Variants in ZNF572 observed in about 807,000 individuals in gnomAD.
ZNF572 encodes zinc finger protein 572.
A neutral mutation model predicts 3.8 loss-of-function variants in ZNF572; 2 were observed. The observed-to-expected ratio is 0.52, with a 90% CI of 0.21 to 1.65. ZNF572 has a LOEUF of 1.65. Ranked by LOEUF, ZNF572 falls within the 40% of genes most tolerant of loss-of-function variation. The probability of loss-of-function intolerance (pLI) is 0.20; values close to 1 mark genes in which losing one functional copy is unlikely to be tolerated. For missense variants in ZNF572, 581 were observed against 633.4 expected (o/e 0.92, Z 0.89); for synonymous variants, 187 against 204.5 (o/e 0.91, Z 0.73).
At position 124,976,952 on chromosome 8, in the gene ZNF572, C is replaced by T; in HGVS notation, c.684C>T (p.Ser228=). Reference sequence around the variant, plus strand: ...AGTGTGGGAAGAGATTCAGCAGCAGCTCTCACCTTATTCAGCATCACAGAT... The same window carrying T: ...AGTGTGGGAAGAGATTCAGCAGCAGTTCTCACCTTATTCAGCATCACAGAT... ...CPECGKRFSS[S]SHLIQHHRSH... The change falls in exon 3 of 3, where the codon AGC becomes AGT. Residue 228 remains serine, a synonymous_variant. Coordinates refer to ENST00000319286, the MANE Select transcript of ZNF572 (RefSeq NM_152412.3). 2 of 1,614,168 alleles carry T rather than the reference C, an allele frequency of 1.2e-6. No individual in the cohort carries two copies. Among genetic ancestry groups the T allele is most frequent in the Non-Finnish European group, 1.7e-6 (2 of 1,180,026 alleles).
chr8:124,973,985 TC>T (rs1814471581), intron 1 of ZNF572, among the ~76,000 whole-genome samples: 1 of 152,132 alleles, frequency 6.6e-6, no homozygotes, highest in Non-Finnish European at 1.5e-5. Flanking sequence ...AATATATAAC[TC>T]CATTCGAACA....
intron 2 of ZNF572, 43 bp downstream of exon 2, chr8:124,975,762 T>C (rs764293243): frequency 6.6e-7 from 1 of 1,510,008 alleles, no homozygotes; most frequent in Non-Finnish European, 9.2e-7. Flanking sequence ...GGAAATTTGA[T>C]GTAGAAAGAA....
In ZNF572 at chr8:124,976,490, A is replaced by G. The variant is rs1442401261; in HGVS notation, c.222A>G (p.Thr74=). The change falls in exon 3 of 3, where the codon ACA becomes ACG. Residue 74 remains threonine, a synonymous_variant. Transcript: ENST00000319286. ...KHEDAKEMPL[T]WVQDEIWCHD... Reference sequence around the variant, plus strand: ...AGGATGCAAAAGAAATGCCACTGACATGGGTTCAAGATGAGATTTGGTGTC... The same window carrying G: ...AGGATGCAAAAGAAATGCCACTGACGTGGGTTCAAGATGAGATTTGGTGTC... The G allele has an allele frequency of 6.2e-7, 1 of 1,614,172 alleles. No individual in the cohort carries two copies.
intron 1 of ZNF572, among the ~76,000 whole-genome samples, chr8:124,974,085 G>A (rs1411707097): frequency 3.3e-5 from 5 of 152,142 alleles, no homozygotes; most frequent in African/African-American, 1.2e-4. Context: ...ATGTAGACTA[G>A]TTTCACGTTT....
At position 124,977,491 on chromosome 8, in the gene ZNF572, G is replaced by C. The variant is rs1318876854; in HGVS notation, c.1223G>C (p.Gly408Ala). Reference sequence around the variant, plus strand: ...ATTAGACATCAGAGAACACATACAGGAGAAAAACCTTACAGATGTTCTGAG... The same window carrying C: ...ATTAGACATCAGAGAACACATACAGCAGAAAAACCTTACAGATGTTCTGAG... ...HLIRHQRTHTGEKPYRCSECW... is the reference protein window; with the variant it reads ...HLIRHQRTHTAEKPYRCSECW... The change falls in exon 3 of 3, where the codon GGA becomes GCA. Residue 408 changes from glycine (G) to alanine (A), a missense_variant. Transcript: ENST00000319286. 2.5e-6 allele frequency: 4 copies of C among 1,614,048 alleles called. No homozygotes were observed. The highest frequency in any genetic ancestry group is 3.4e-6 in the Non-Finnish European group (4 of 1,180,018).
At chr8:124,973,609 A>G (rs1251749033) in intron 1 of ZNF572, among the ~76,000 whole-genome samples, 193 bp downstream of exon 1, 1 of 152,042 alleles carries the variant, frequency 6.6e-6, no homozygotes, top group Admixed American at 6.5e-5. Flanking sequence ...TCGGCCGGAG[A>G]CCGTCTGGTA....
chr8:124,974,927 A>G (rs1213962008), intron 1 of ZNF572, among the ~76,000 whole-genome samples: 1 of 152,164 alleles, frequency 6.6e-6, no homozygotes, highest in Admixed American at 6.5e-5. Flanking sequence ...CTAGTCCCTT[A>G]AAATAGGTTA....
chr8:124,977,213 A>C lies in ZNF572; in HGVS notation c.945A>C (p.Leu315=). Residue 315 remains leucine, a synonymous_variant, in exon 3 of 3, where the codon CTA becomes CTC. Coordinates refer to ENST00000319286, the MANE Select transcript of ZNF572 (RefSeq NM_152412.3). The part of the protein sequence containing the change: ...CEKSFGCNST[L]IKHQRIHTGE... ...AAAGCTTTGGTTGTAATTCTACTCT[A>C]ATAAAACATCAGAGAATACATACAG... The C allele has an allele frequency of 6.2e-7, 1 of 1,612,362 alleles. No homozygotes were observed. The highest frequency in any genetic ancestry group is 8.5e-7 in the Non-Finnish European group (1 of 1,180,014).
intron 1 of ZNF572, among the ~76,000 whole-genome samples, chr8:124,974,938 G>C (rs1814488575): frequency 6.6e-6 from 1 of 152,194 alleles, no homozygotes; most frequent in African/African-American, 2.4e-5. Flanking sequence ...AAATAGGTTA[G>C]TGATTGTTGG....
chr8:124,976,408 T>C lies in ZNF572; in HGVS notation c.140T>C (p.Leu47Pro). The C allele has an allele frequency of 6.2e-7, 1 of 1,607,748 alleles. No individual in the cohort carries two copies. Residue 47 changes from leucine to proline, a missense_variant, in exon 3 of 3, where the codon CTT becomes CCT. Coordinates refer to ENST00000319286, the MANE Select transcript of ZNF572 (RefSeq NM_152412.3). ...VHHNNSKADK[L>P]KEKPSEWSKR... Reference sequence around the variant, plus strand: ...CACAATAATTCTAAGGCAGATAAACTTAAAGAGAAACCTTCAGAATGGTCT... The same window carrying C: ...CACAATAATTCTAAGGCAGATAAACCTAAAGAGAAACCTTCAGAATGGTCT...
In ZNF572 at chr8:124,977,779, C is replaced by T. The variant is rs922933725; in HGVS notation, c.1511C>T (p.Pro504Leu). ...GAGTCTCCCGACGTTGGGGATTTTC[C>T]TCATGAATGGACTTGGAAAAACTGT... is the stretch of plus-strand genomic sequence containing the variant. The part of the protein sequence containing the change: ...PFESPDVGDF[P>L]HEWTWKNCSG... The change falls in exon 3 of 3, where the codon CCT (proline) becomes CTT (leucine). Residue 504 changes from proline (P) to leucine (L), a missense_variant. Pro to Leu is a moderately conservative substitution (Grantham distance 98, BLOSUM62 -3). Coordinates refer to ENST00000319286, the MANE Select transcript of ZNF572 (RefSeq NM_152412.3). 7 of 1,613,974 alleles carry T rather than the reference C, an allele frequency of 4.3e-6. No individual in the cohort carries two copies. The highest frequency in any genetic ancestry group is 5.1e-6 in the Non-Finnish European group (6 of 1,179,880).
In ZNF572 at chr8:124,976,957, A is replaced by G. The variant is rs1217407176; in HGVS notation, c.689A>G (p.His230Arg). The G allele has an allele frequency of 6.2e-7, 1 of 1,614,184 alleles. No homozygotes were observed. The highest frequency in any genetic ancestry group is 1.1e-5 in the South Asian group (1 of 91,080). ...GGGAAGAGATTCAGCAGCAGCTCTC[A>G]CCTTATTCAGCATCACAGATCACAT... ...ECGKRFSSSS[H>R]LIQHHRSHTG... The change falls in exon 3 of 3, where the codon CAC becomes CGC. Residue 230 changes from histidine to arginine, a missense_variant. Coordinates refer to ENST00000319286, the MANE Select transcript of ZNF572 (RefSeq NM_152412.3).
chr8:124,976,273 C>T (rs1814504438), intron 2 of ZNF572, 75 bp from the exon 3 acceptor site: 1 of 1,302,696 alleles, frequency 7.7e-7, no homozygotes, highest in African/African-American at 1.5e-5. Flanking sequence ...TATTTCCTCT[C>T]TTCCACTGCA....
Position 124,976,618 on chromosome 8 carries a change from C to A in ZNF572, c.350C>A (p.Thr117Asn). 2 of 1,614,182 alleles carry A rather than the reference C, an allele frequency of 1.2e-6. No individual in the cohort carries two copies. Among genetic ancestry groups the A allele is most frequent in the Non-Finnish European group, 1.7e-6 (2 of 1,180,020 alleles). Residue 117 changes from threonine to asparagine, a missense_variant, in exon 3 of 3, where the codon ACC (threonine) becomes AAC (asparagine). Physicochemically the swap from Thr to Asn is moderately conservative, Grantham distance 65 (BLOSUM62 0). Transcript: ENST00000319286. The stretch of plus-strand genomic sequence containing the variant: ...CAGGAATGGGACTCAGGAGAACATA[C>A]CAATGCCTGTGTCCAGCAGAATTCA... ...NHQEWDSGEH[T>N]NACVQQNSSF...
chr8:124,975,658 A>C lies in ZNF572; in HGVS notation c.18A>C (p.Lys6Asn). 6.2e-7 allele frequency: 1 copy of C among 1,613,948 alleles called. No individual in the cohort carries two copies. Residue 6 changes from lysine to asparagine, a missense_variant, in exon 2 of 3, where the codon AAA (lysine) becomes AAC (asparagine). Coordinates refer to ENST00000319286, the MANE Select transcript of ZNF572 (RefSeq NM_152412.3). ...TCATTGTGATGGAGCAAGAAAAAAA[A>C]CTGTTGGTCTCAGATTCTAACAGCT... is the stretch of plus-strand genomic sequence containing the variant. MEQEK[K>N]LLVSDSNSFM... is the part of the protein sequence containing the mutation.
Position 124,977,664 on chromosome 8 carries a change from A to T in ZNF572, c.1396A>T (p.Lys466Ter). 6.2e-7 allele frequency: 1 copy of T among 1,614,206 alleles called. No homozygotes were observed. Among genetic ancestry groups the T allele is most frequent in the Non-Finnish European group, 8.5e-7 (1 of 1,180,030 alleles). Residue 466 changes from lysine (K) to a stop codon, truncating the protein, a stop_gained, in exon 3 of 3, where the codon AAA (lysine) becomes TAA (stop). Coordinates refer to ENST00000319286, the MANE Select transcript of ZNF572 (RefSeq NM_152412.3). LOFTEE classifies it low-confidence loss of function (END_TRUNC). ...IRHRRTHIGE[K>*]PYKCTSCEKC... ...GCACCGGAGGACCCACATAGGGGAA[A>T]AACCTTACAAATGTACCAGCTGTGA...
rs1231826991 is a variant in ZNF572 at position 124,973,356 on chromosome 8, G to C, written c.-96G>C. 1 of 152,332 alleles carries C rather than the reference G, an allele frequency of 6.6e-6. No individual in the cohort carries two copies. The highest frequency in any genetic ancestry group is 2.4e-5 in the African/African-American group (1 of 41,438). The allele number at this position is 152,332 out of a possible 1,614,324, so 9.4% of individuals were successfully genotyped here. On this transcript the variant is annotated 5_prime_UTR_variant, in exon 1 of 3. Transcript: ENST00000319286. Reference sequence around the variant, plus strand: ...TGGGTTGGTGGGGTCAGAGGGAGAGGGGGTACCTTCCTCCCGGACCGCTGG... The same window carrying C: ...TGGGTTGGTGGGGTCAGAGGGAGAGCGGGTACCTTCCTCCCGGACCGCTGG...
Position 124,978,054 on chromosome 8 carries a change from C to A in ZNF572, c.*196C>A. The A allele has an allele frequency of 1.9e-6, 1 of 537,346 alleles. No homozygotes were observed. The highest frequency in any genetic ancestry group is 4.3e-5 in the South Asian group (1 of 23,414). The allele number at this position is 537,346 out of a possible 1,614,324, so 33.3% of individuals were successfully genotyped here. ...ATCTGTCCAGTGAGAGATTCATCCA[C>A]CAAGGATGAAGAAAGGAGGACTTTT... On this transcript the variant is annotated 3_prime_UTR_variant, in exon 3 of 3. Coordinates refer to ENST00000319286, the MANE Select transcript of ZNF572 (RefSeq NM_152412.3).
In ZNF572 at chr8:124,978,162, C is replaced by G; in HGVS notation, c.*304C>G. 1 of 294,450 alleles carries G rather than the reference C, an allele frequency of 3.4e-6. No individual in the cohort carries two copies. Among genetic ancestry groups the G allele is most frequent in the Non-Finnish European group, 6.2e-6 (1 of 160,826 alleles). 18.2% of individuals were successfully genotyped at this position (294,450 alleles called of 1,614,324 possible). A position where few individuals can be genotyped will look rare whatever the true frequency, so the allele number is the denominator to read the frequency against. On this transcript the variant is annotated 3_prime_UTR_variant, in exon 3 of 3. Transcript: ENST00000319286. ...GAGTAAGCAAAGGAACCATGAGAAC[C>G]GAAGCTAGAATTGCTATTGAATTAC...
Sources: gnomAD v4.1 joint callset for allele counts (sites outside exome capture counted in the v4.1 genomes callset) on GRCh38, gnomAD v4.1.1 for gene constraint, MANE v1.5 for transcripts, NCBI Gene and HGNC (gene_info 2026-07-23, HGNC 2026-07-21) for gene names.